The following HS3ST5 variants were observed in gnomAD, a reference collection of about 807,000 sequenced individuals.
HS3ST5 encodes the protein heparan sulfate-glucosamine 3-sulfotransferase 5, also known as heparan sulfate glucosamine 3-O-sulfotransferase 5.
In HS3ST5, 10 loss-of-function variants were observed where a neutral mutation model predicts 25.4. That is an observed-to-expected ratio of 0.39 (90% CI 0.24 to 0.67). The LOEUF (loss-of-function observed/expected upper bound fraction) is 0.67, where lower values mean the gene tolerates loss of function less well. HS3ST5 is among the 30% of genes least tolerant of loss of function. The pLI is 0.44. For missense variants in HS3ST5, 324 were observed against 420.7 expected, an observed-to-expected ratio of 0.77 and a Z score of 2.01; for synonymous variants, 170 against 162.4, an observed-to-expected ratio of 1.05 and a Z score of -0.36.
At chr6:114,254,311 C>T (rs1219248916) in intron 1 of HS3ST5, among the ~76,000 whole-genome samples, 1 of 152,164 alleles carries the variant, frequency 6.6e-6, no homozygotes, top group East Asian at 1.9e-4. Context: ...AACATGGCTT[C>T]AAAATAGTAA....
chr6:114,120,547 A>G (rs1244766818), intron 3 of HS3ST5, among the ~76,000 whole-genome samples: 3 of 152,176 alleles, frequency 2.0e-5, no homozygotes, highest in East Asian at 3.9e-4. Flanking sequence ...ACACACAAAA[A>G]ATACTTCTTT....
Position 114,229,866 on chromosome 6 carries a change from TATA to T in HS3ST5, c.-338-1091_-338-1089del, listed in dbSNP as rs749859571. 8.3e-4 allele frequency among the ~76,000 whole-genome samples: 126 copies of T among 152,282 alleles called. 2 individuals are homozygous for T. The highest frequency in any genetic ancestry group is 5.7e-4 in the Non-Finnish European group (39 of 68,024). On this transcript the variant is annotated intron_variant, in intron 1 of 4. Coordinates refer to ENST00000312719, the MANE Select transcript of HS3ST5 (RefSeq NM_153612.4). ...ATGGAAGTCCAGAGAAACACAAAGA[TATA>T]GGGCCTGTGAAGGATGAGCAACTTA...
chr6:114,104,906 A>G (rs147918878), intron 3 of HS3ST5, among the ~76,000 whole-genome samples: 33 of 152,238 alleles, frequency 2.2e-4, no homozygotes, highest in Middle Eastern at 3.4e-3. Context: ...TGAAGCAGGT[A>G]CCTGTGCTCT....
At chr6:114,261,920 G>A (rs990412064) in intron 1 of HS3ST5, among the ~76,000 whole-genome samples, 1 of 152,122 alleles carries the variant, frequency 6.6e-6, no homozygotes, top group South Asian at 2.1e-4. Flanking sequence ...CTGTGTCCTC[G>A]TGGAACTTAC....
At chr6:114,302,794 A>G (rs1314947338) in intron 1 of HS3ST5, among the ~76,000 whole-genome samples, 1 of 152,128 alleles carries the variant, frequency 6.6e-6, no homozygotes, top group Non-Finnish European at 1.5e-5. Context: ...TTCATTATTC[A>G]TAGTTGAAAT....
At chr6:114,222,689 C>T (rs1012009117) in intron 2 of HS3ST5, among the ~76,000 whole-genome samples, 1 of 151,754 alleles carries the variant, frequency 6.6e-6, no homozygotes, top group Admixed American at 6.6e-5. Flanking sequence ...AATGGAAGAA[C>T]AAAGTGAGTT....
intron 1 of HS3ST5, among the ~76,000 whole-genome samples, chr6:114,299,320 G>A (rs762296040): frequency 1.6e-4 from 25 of 152,268 alleles, no homozygotes; most frequent in Non-Finnish European, 1.0e-4. Context: ...CTGCTGATAA[G>A]ATGTTATCAA....
intron 2 of HS3ST5, among the ~76,000 whole-genome samples, chr6:114,209,363 AC>A (rs1220125599): frequency 2.0e-5 from 3 of 151,206 alleles, no homozygotes; most frequent in Non-Finnish European, 4.4e-5. Context: ...TATTTTTTAT[AC>A]CTTCTTTTTT....
At chr6:114,335,569 A>G (rs756236856) in intron 1 of HS3ST5, among the ~76,000 whole-genome samples, 2 of 152,202 alleles carry the variant, frequency 1.3e-5, no homozygotes, top group Non-Finnish European at 2.9e-5. Context: ...AAGAGGATAC[A>G]CATTCCAAAG....
At position 114,155,289 on chromosome 6, in the gene HS3ST5, T is replaced by C. The variant is rs933492439; in HGVS notation, c.-33+13062A>G. ...CAGTTTTAAGTGGCCTGTAGAGATA[T>C]AAATAATAGGACACGAATAAATATA... On this transcript the variant is annotated intron_variant, in intron 3 of 4. Transcript: ENST00000312719. Among the ~76,000 whole-genome samples the C allele has an allele frequency of 7.2e-5, 11 of 152,042 alleles. 1 individual carries two copies. The highest frequency in any genetic ancestry group is 7.2e-4 in the Admixed American group (11 of 15,264).
chr6:114,157,380 T>C (rs1778748795), intron 3 of HS3ST5, among the ~76,000 whole-genome samples: 1 of 152,194 alleles, frequency 6.6e-6, no homozygotes, highest in African/African-American at 2.4e-5. Flanking sequence ...TTTAAATCCA[T>C]TTAATGGCTT....
intron 1 of HS3ST5, among the ~76,000 whole-genome samples, chr6:114,340,217 A>T (rs755674598): frequency 2.0e-4 from 30 of 152,358 alleles, no homozygotes; most frequent in Middle Eastern, 3.4e-3. Context: ...AAATTTAAGC[A>T]TGAGCTCTGG....
At chr6:114,075,871 CT>C (rs1204799185) in intron 3 of HS3ST5, among the ~76,000 whole-genome samples, 2 of 152,150 alleles carry the variant, frequency 1.3e-5, no homozygotes, top group African/African-American at 4.8e-5. Context: ...TGAGGCTCGT[CT>C]TTTCCTTGGG....
chr6:114,196,149 TCACCCTTTGTGTC>T (rs1320007744), intron 2 of HS3ST5, among the ~76,000 whole-genome samples: 2 of 152,178 alleles, frequency 1.3e-5, no homozygotes, highest in Non-Finnish European at 2.9e-5. Flanking sequence ...CGCTCCAACC[TCACCCTTTGTGTC>T]CACACTTCTT....
At chr6:114,195,935 T>C (rs1297550755) in intron 2 of HS3ST5, among the ~76,000 whole-genome samples, 1 of 151,990 alleles carries the variant, frequency 6.6e-6, no homozygotes, top group African/African-American at 2.4e-5. Flanking sequence ...AGCAAAGCAA[T>C]ATGGAGTAAC....
chr6:114,092,674 ATTTT>A (rs1367853901), intron 3 of HS3ST5, among the ~76,000 whole-genome samples: 2 of 149,628 alleles, frequency 1.3e-5, no homozygotes, highest in South Asian at 2.1e-4. Context: ...TTATTTATTT[ATTTT>A]GTTTTTTTTT....
At chr6:114,152,394 C>G (rs1186951404) in intron 3 of HS3ST5, among the ~76,000 whole-genome samples, 1 of 152,114 alleles carries the variant, frequency 6.6e-6, no homozygotes, top group African/African-American at 2.4e-5. Flanking sequence ...TGTTAACACT[C>G]CTACCTTCTT....
chr6:114,329,672 C>T (rs772321398), intron 1 of HS3ST5, among the ~76,000 whole-genome samples: 10 of 152,114 alleles, frequency 6.6e-5, no homozygotes, highest in Non-Finnish European at 1.2e-4. Context: ...GGAGGTTTGG[C>T]GCACAAGTAG....
In HS3ST5 at chr6:114,186,330, A is replaced by C. The variant is rs537980527; in HGVS notation, c.-144-17868T>G. Among the ~76,000 whole-genome samples the C allele has an allele frequency of 2.0e-5, 3 of 152,270 alleles. No individual in the cohort carries two copies. The South Asian group carries it at 6.2e-4, about 32-fold the overall frequency. Reference sequence around the variant, plus strand: ...AAGCAAAGCAAAAAGTTCTTCAAGGAAATTAAAAATTGCTACTCTGGTGAA... The same window carrying C: ...AAGCAAAGCAAAAAGTTCTTCAAGGCAATTAAAAATTGCTACTCTGGTGAA... On this transcript the variant is annotated intron_variant, in intron 2 of 4. Coordinates refer to ENST00000312719, the MANE Select transcript of HS3ST5 (RefSeq NM_153612.4).
Sources: allele counts gnomAD v4.1 joint callset (sites outside exome capture counted in the v4.1 genomes callset), GRCh38; gene constraint gnomAD v4.1.1; transcripts MANE v1.5; gene names NCBI Gene and HGNC (gene_info 2026-07-23, HGNC 2026-07-21).